BCAS4: variants seen among roughly 807,000 people sequenced by gnomAD.
BCAS4 encodes the protein breast carcinoma-amplified sequence 4.
BCAS4 carries 9 observed loss-of-function variants against 15.7 expected under a neutral mutation model. The ratio of observed to expected loss-of-function variants is 0.57; its 90% CI spans 0.34 to 1.00. The LOEUF is 1.00. BCAS4 is among the 50% of genes least tolerant of loss of function. BCAS4 has a pLI of 0.02. For synonymous variants in BCAS4, 101 were observed against 99.5 expected, an observed-to-expected ratio of 1.02 and a Z score of -0.09; for missense variants, 225 against 239.1, an observed-to-expected ratio of 0.94 and a Z score of 0.39.
intron 1 of BCAS4, among the ~76,000 whole-genome samples, chr20:50,814,715 G>A (rs772718697): frequency 6.6e-5 from 10 of 152,298 alleles, no homozygotes; most frequent in Non-Finnish European, 1.0e-4. Context: ...TTCTCAATCC[G>A]TAAAAAGAGG....
At chr20:50,854,969 G>A (rs1271265539) in intron 4 of BCAS4, among the ~76,000 whole-genome samples, 1 of 152,170 alleles carries the variant, frequency 6.6e-6, no homozygotes, top group Middle Eastern at 3.2e-3. Context: ...CCTCCACACT[G>A]CTCATGCCAG....
intron 2 of BCAS4, among the ~76,000 whole-genome samples, chr20:50,823,556 T>C (rs868535519): frequency 3.9e-5 from 6 of 152,152 alleles, no homozygotes; most frequent in African/African-American, 1.4e-4. Flanking sequence ...GCATGATGGC[T>C]CACACCTGTA....
At chr20:50,868,633 G>A (rs1036965084) in intron 4 of BCAS4, among the ~76,000 whole-genome samples, 1 of 152,152 alleles carries the variant, frequency 6.6e-6, no homozygotes, top group African/African-American at 2.4e-5. Flanking sequence ...CTATTGCCTA[G>A]GCTGGCCTTG....
At chr20:50,858,085 C>G (rs1006689284) in intron 4 of BCAS4, among the ~76,000 whole-genome samples, 4 of 152,202 alleles carry the variant, frequency 2.6e-5, no homozygotes, top group African/African-American at 9.7e-5. Context: ...CTTAACTCTG[C>G]TGCCAAACCT....
At chr20:50,814,494 A>G (rs565655789) in intron 1 of BCAS4, among the ~76,000 whole-genome samples, 6 of 152,220 alleles carry the variant, frequency 3.9e-5, no homozygotes, top group Non-Finnish European at 7.3e-5. Context: ...ACTGTTGCCC[A>G]GGCTAAACTG....
intron 4 of BCAS4, among the ~76,000 whole-genome samples, chr20:50,850,646 A>G (rs1473882361): frequency 6.6e-6 from 1 of 152,108 alleles, no homozygotes; most frequent in Non-Finnish European, 1.5e-5. Flanking sequence ...GTTGAGGCCT[A>G]TCTGGAAGCA....
intron 4 of BCAS4, among the ~76,000 whole-genome samples, chr20:50,856,143 G>C (rs1314232199): frequency 1.3e-5 from 2 of 152,238 alleles, no homozygotes; most frequent in African/African-American, 2.4e-5. Context: ...GCAGGTTCTG[G>C]AATCAAGCAG....
chr20:50,843,575 G>C (rs1305759572), intron 4 of BCAS4, among the ~76,000 whole-genome samples: 1 of 150,132 alleles, frequency 6.7e-6, no homozygotes, highest in Non-Finnish European at 1.5e-5. Context: ...TGAGGCATGT[G>C]CTGTTCACCT....
intron 4 of BCAS4, among the ~76,000 whole-genome samples, chr20:50,846,906 G>A (rs2088553106): frequency 6.6e-6 from 1 of 151,422 alleles, no homozygotes; most frequent in African/African-American, 2.4e-5. Flanking sequence ...GACCCACGAC[G>A]CCCAGCTTAA....
chr20:50,806,106 G>A (rs2087986716), intron 1 of BCAS4, among the ~76,000 whole-genome samples: 1 of 152,156 alleles, frequency 6.6e-6, no homozygotes, highest in African/African-American at 2.4e-5. Flanking sequence ...GCCTAGTAGG[G>A]TCCTTTTAAA....
chr20:50,808,634 T>C (rs2088023371), intron 1 of BCAS4, among the ~76,000 whole-genome samples: 1 of 152,234 alleles, frequency 6.6e-6, no homozygotes, highest in African/African-American at 2.4e-5. Context: ...TTTCATATGT[T>C]TGTTGGCCAC....
At chr20:50,838,981 AC>A (rs1281661573) in intron 3 of BCAS4, among the ~76,000 whole-genome samples, 1 of 152,090 alleles carries the variant, frequency 6.6e-6, no homozygotes, top group East Asian at 1.9e-4. Flanking sequence ...CTTTAAAGGA[AC>A]CAAAGGGAAG....
At chr20:50,803,506 C>G (rs539853450) in intron 1 of BCAS4, among the ~76,000 whole-genome samples, 1 of 152,134 alleles carries the variant, frequency 6.6e-6, no homozygotes, top group Admixed American at 6.6e-5. Context: ...GATTATAGTT[C>G]TCAAACTTTA....
chr20:50,852,049 A>G (rs753941973), intron 4 of BCAS4, among the ~76,000 whole-genome samples: 3 of 152,226 alleles, frequency 2.0e-5, no homozygotes, highest in Non-Finnish European at 4.4e-5. Flanking sequence ...CACAAGCAGC[A>G]CTTACCTGCC....
chr20:50,820,410 A>AAT (rs1307801706), intron 2 of BCAS4, among the ~76,000 whole-genome samples: 1 of 152,136 alleles, frequency 6.6e-6, no homozygotes, highest in African/African-American at 2.4e-5. Context: ...TGTAAGGAGA[A>AAT]ATAGAGAATT....
intron 4 of BCAS4, among the ~76,000 whole-genome samples, chr20:50,854,752 G>A (rs1425480190): frequency 6.6e-6 from 1 of 152,180 alleles, no homozygotes; most frequent in Non-Finnish European, 1.5e-5. Flanking sequence ...GGGGCTGATT[G>A]TTCCAAACCC....
chr20:50,873,827 C>T (rs1033465002), intron 4 of BCAS4, among the ~76,000 whole-genome samples: 11 of 152,226 alleles, frequency 7.2e-5, no homozygotes, highest in Non-Finnish European at 1.0e-4. Flanking sequence ...ACGTTCCATT[C>T]GCCGTGTTTG....
At chr20:50,875,969 C>G (rs1057274798) in intron 4 of BCAS4, 1 of 456,110 alleles carries the variant, frequency 2.2e-6, no homozygotes, top group South Asian at 1.5e-5. Context: ...TTTTCTTCCC[C>G]GAGACATTGT....
rs186755413 is a variant in BCAS4 at position 50,801,142 on chromosome 20, G to A, written c.90+5969G>A. ...GATGCTGGATTAGAAGTCTGTGATG[G>A]GGGGCCGGGCGCCATGGCTCATGCC... On this transcript the variant is annotated intron_variant, in intron 1 of 4. Transcript: ENST00000371608. 9.1e-3 allele frequency among the ~76,000 whole-genome samples: 1,379 copies of A among 152,166 alleles called. 11 individuals are homozygous for A. The highest frequency in any genetic ancestry group is 0.015 in the Non-Finnish European group (992 of 67,998).
Sources: gnomAD v4.1 joint callset for allele counts (sites outside exome capture counted in the v4.1 genomes callset) on GRCh38, gnomAD v4.1.1 for gene constraint, MANE v1.5 for transcripts, NCBI Gene and HGNC (gene_info 2026-07-23, HGNC 2026-07-21) for gene names.